AZIN2: variants seen among roughly 807,000 people sequenced by gnomAD.
The protein encoded by AZIN2 is antizyme inhibitor 2.
In AZIN2, 28 loss-of-function variants were observed where a neutral mutation model predicts 47.8. The observed-to-expected ratio is 0.59, with a 90% CI of 0.43 to 0.80. The LOEUF (loss-of-function observed/expected upper bound fraction) is 0.80, where lower values mean the gene tolerates loss of function less well. Among genes scored for constraint, AZIN2 ranks in the 30% least tolerant of loss-of-function variants. The probability of loss-of-function intolerance (pLI) is 0.00; values close to 1 mark genes in which losing one functional copy is unlikely to be tolerated. For synonymous variants in AZIN2, 221 were observed against 239.4 expected, an observed-to-expected ratio of 0.92 and a Z score of 0.71; for missense variants, 535 against 582.5, an observed-to-expected ratio of 0.92 and a Z score of 0.84.
chr1:33,165,485 G>A, the AZIN2 span: 1 of 1,606,510 alleles, frequency 6.2e-7, no homozygotes, highest in Non-Finnish European at 8.5e-7. This position sits in a 1 kb window ranked among gnomAD's most constrained non-coding sequence, Gnocchi z 4.0. Context: ...GTCTCCGCCA[G>A]TTGTCGCTTG....
the AZIN2 span, among the ~76,000 whole-genome samples, chr1:33,162,087 A>G: frequency 6.6e-6 from 1 of 152,188 alleles, no homozygotes; most frequent in Admixed American, 6.5e-5. Context: ...TTGGTCTACA[A>G]GTCAACTCTT....
At chr1:33,100,871 T>C (rs1194817669) in intron 10 of AZIN2, among the ~76,000 whole-genome samples, 3 of 150,932 alleles carry the variant, frequency 2.0e-5, no homozygotes, top group African/African-American at 4.9e-5. Flanking sequence ...CTCTCTCTCT[T>C]TTTTTTTTGA....
At chr1:33,147,009 G>T in the AZIN2 span, 2 of 658,886 alleles carry the variant, frequency 3.0e-6, no homozygotes, top group East Asian at 2.7e-5. This position sits in a 1 kb window ranked among gnomAD's most constrained non-coding sequence, Gnocchi z 8.1. Context: ...GAGAGTTTAG[G>T]AAGTAGGGAA....
intron 5 of AZIN2, among the ~76,000 whole-genome samples, chr1:33,084,505 A>C (rs1641662366): frequency 6.6e-6 from 1 of 152,024 alleles, no homozygotes; most frequent in South Asian, 2.1e-4. Flanking sequence ...GCATTTTCTT[A>C]ACTAGTCCTT....
At chr1:33,112,556 G>A (rs1424883759) in intron 10 of AZIN2, among the ~76,000 whole-genome samples, 1 of 152,174 alleles carries the variant, frequency 6.6e-6, no homozygotes, top group Non-Finnish European at 1.5e-5. Context: ...GAACATGAAA[G>A]TGAGGATGGT....
chr1:33,146,038 A>C, the AZIN2 span: 1 of 385,484 alleles, frequency 2.6e-6, no homozygotes, highest in African/African-American at 2.1e-5. Flanking sequence ...CTAGTTCTGC[A>C]GTCAGCAGCT....
At chr1:33,153,958 G>A in the AZIN2 span, among the ~76,000 whole-genome samples, 1 of 152,178 alleles carries the variant, frequency 6.6e-6, no homozygotes, top group Non-Finnish European at 1.5e-5. Context: ...ACAAAACAGT[G>A]AGACCATGTA....
chr1:33,120,457 G>C lies in AZIN2; in HGVS notation c.*275G>C, dbSNP rs1644769970. ...CAGCCAGGTGTGGGGGTGTTCTTGGGGTCTCCTTTGGTCTCCTTCCCACCT... is the reference window on the plus strand; with the variant it reads ...CAGCCAGGTGTGGGGGTGTTCTTGGCGTCTCCTTTGGTCTCCTTCCCACCT... On this transcript the variant is annotated 3_prime_UTR_variant, in exon 12 of 12. Coordinates refer to ENST00000294517, the MANE Select transcript of AZIN2 (RefSeq NM_052998.4). 14 of 398,692 alleles carry C rather than the reference G, an allele frequency of 3.5e-5. No individual in the cohort carries two copies. The East Asian group carries it at 5.7e-4, about 16-fold the overall frequency. The allele number at this position is 398,692 out of a possible 1,614,324, so 24.7% of individuals were successfully genotyped here.
At chr1:33,137,216 T>C in the AZIN2 span, among the ~76,000 whole-genome samples, 2 of 152,118 alleles carry the variant, frequency 1.3e-5, no homozygotes, top group East Asian at 3.9e-4. Context: ...GACTGGAGGC[T>C]AATAAGGAGC....
At chr1:33,134,809 C>T in the AZIN2 span, among the ~76,000 whole-genome samples, 3 of 152,210 alleles carry the variant, frequency 2.0e-5, no homozygotes, top group Non-Finnish European at 4.4e-5. Context: ...GTTGTCAGCT[C>T]TGAAACAGTC....
chr1:33,146,664 C>G, the AZIN2 span: 2 of 165,084 alleles, frequency 1.2e-5, no homozygotes, highest in South Asian at 3.1e-4. Context: ...GAGAGGTTGG[C>G]TCTCAGGCAA....
chr1:33,161,507 G>C, the AZIN2 span, among the ~76,000 whole-genome samples: 1 of 152,272 alleles, frequency 6.6e-6, no homozygotes. The surrounding 1 kb of genome is among the most constrained non-coding windows in gnomAD (Gnocchi z 4.3). Flanking sequence ...CCTCCCCGAC[G>C]CGCGGCTGCT....
At chr1:33,129,525 A>G in the AZIN2 span, among the ~76,000 whole-genome samples, 1 of 152,140 alleles carries the variant, frequency 6.6e-6, no homozygotes, top group African/African-American at 2.4e-5. The surrounding 1 kb of genome is among the most constrained non-coding windows in gnomAD (Gnocchi z 4.1). Context: ...AGTGTTACAT[A>G]TATGTTTACG....
At chr1:33,131,880 GT>G in the AZIN2 span, among the ~76,000 whole-genome samples, 6 of 150,224 alleles carry the variant, frequency 4.0e-5, no homozygotes, top group East Asian at 1.2e-3. Context: ...TGAAAGGTTT[GT>G]TTTTTTTTCA....
the AZIN2 span, chr1:33,147,092 G>C: frequency 6.8e-7 from 1 of 1,481,266 alleles, no homozygotes. The surrounding 1 kb of genome is among the most constrained non-coding windows in gnomAD (Gnocchi z 8.1). Context: ...GCCACGGTGG[G>C]CTGGAGTCCA....
At chr1:33,119,928 C>T in intron 11 of AZIN2, 116 bp from the exon 12 acceptor site, 2 of 1,436,426 alleles carry the variant, frequency 1.4e-6, no homozygotes, top group South Asian at 1.3e-5. Flanking sequence ...CTGCCCCTGC[C>T]CTCAGCTGAG....
chr1:33,156,206 A>G, the AZIN2 span, among the ~76,000 whole-genome samples: 223 of 152,300 alleles, frequency 1.5e-3, 1 homozygote, highest in African/African-American at 5.2e-3. Context: ...GATCTTTCCA[A>G]TCATCTCACA....
chr1:33,127,496 G>A (rs2124688144), downstream of AZIN2, among the ~76,000 whole-genome samples: 1 of 152,382 alleles, frequency 6.6e-6, no homozygotes, highest in South Asian at 2.1e-4. Flanking sequence ...CTTCGCCGAG[G>A]GCGGGGCTCT....
chr1:33,162,445 A>G, the AZIN2 span, among the ~76,000 whole-genome samples: 2 of 152,314 alleles, frequency 1.3e-5, no homozygotes, highest in South Asian at 2.1e-4. Flanking sequence ...GTCTTAATAC[A>G]TTGTCCCACA....
Sources: allele counts gnomAD v4.1 joint callset (sites outside exome capture counted in the v4.1 genomes callset), GRCh38; gene constraint gnomAD v4.1.1; non-coding constraint Gnocchi (gnomAD v3.1); transcripts MANE v1.5; gene names NCBI Gene and HGNC (gene_info 2026-07-23, HGNC 2026-07-21).